The following CCDC148 variants were observed in gnomAD, a reference collection of about 807,000 sequenced individuals.
CCDC148 encodes the protein coiled-coil domain containing 148.
CCDC148 carries 89 observed loss-of-function variants against 85.7 expected under a neutral mutation model. The ratio of observed to expected loss-of-function variants is 1.04; its 90% CI spans 0.87 to 1.24. CCDC148 has a LOEUF of 1.24. Ranked by LOEUF, CCDC148 falls within the 50% of genes most tolerant of loss-of-function variation. CCDC148 has a pLI of 0.00. For missense variants in CCDC148, 692 were observed against 671.7 expected (o/e 1.03, Z -0.33); for synonymous variants, 230 against 213.9 (o/e 1.08, Z -0.66).
At chr2:158,441,517 C>A (rs774804716) in intron 1 of CCDC148, among the ~76,000 whole-genome samples, 5 of 151,704 alleles carry the variant, frequency 3.3e-5, no homozygotes, top group African/African-American at 4.8e-5. Context: ...TCTGACATGA[C>A]CATGCAATAT....
At chr2:158,242,615 T>C (rs1232141963) in intron 10 of CCDC148, among the ~76,000 whole-genome samples, 1 of 147,050 alleles carries the variant, frequency 6.8e-6, no homozygotes, top group African/African-American at 2.5e-5. Context: ...GCCTTCCACA[T>C]CTGCTACCCA....
chr2:158,361,458 A>G (rs1001765310), intron 1 of CCDC148, among the ~76,000 whole-genome samples: 3 of 152,222 alleles, frequency 2.0e-5, no homozygotes, highest in African/African-American at 7.2e-5. Context: ...GAAGCCCATC[A>G]GACTAACAGC....
intron 1 of CCDC148, among the ~76,000 whole-genome samples, chr2:158,360,174 A>C (rs969329163): frequency 6.6e-6 from 1 of 152,230 alleles, no homozygotes; most frequent in Non-Finnish European, 1.5e-5. Context: ...CAGCAGCCTG[A>C]GTCAGGGACT....
At chr2:158,446,694 T>C (rs1233716087) in intron 1 of CCDC148, among the ~76,000 whole-genome samples, 5 of 152,218 alleles carry the variant, frequency 3.3e-5, no homozygotes, top group Non-Finnish European at 5.9e-5. Context: ...AAATGTATTG[T>C]TGTGGAACCA....
At chr2:158,338,204 T>G (rs1349403286) in intron 7 of CCDC148, among the ~76,000 whole-genome samples, 1 of 152,128 alleles carries the variant, frequency 6.6e-6, no homozygotes, top group Non-Finnish European at 1.5e-5. Flanking sequence ...TCGCTGAACA[T>G]TATATTCACC....
At chr2:158,204,173 T>C (rs976355230) in intron 11 of CCDC148, among the ~76,000 whole-genome samples, 3 of 152,166 alleles carry the variant, frequency 2.0e-5, no homozygotes, top group Non-Finnish European at 4.4e-5. Flanking sequence ...TCCACTTCCG[T>C]AGAATTTACT....
At chr2:158,402,567 T>C (rs1040088587) in intron 1 of CCDC148, among the ~76,000 whole-genome samples, 5 of 152,184 alleles carry the variant, frequency 3.3e-5, no homozygotes, top group Non-Finnish European at 5.9e-5. Flanking sequence ...ACCATTACTC[T>C]AGCCTTCAGT....
At chr2:158,372,662 A>G (rs1684496346) in intron 1 of CCDC148, among the ~76,000 whole-genome samples, 1 of 151,840 alleles carries the variant, frequency 6.6e-6, no homozygotes, top group Non-Finnish European at 1.5e-5. Context: ...TCCATATCCT[A>G]TATGTAGAAT....
At chr2:158,381,736 A>C (rs1684876700) in intron 1 of CCDC148, among the ~76,000 whole-genome samples, 1 of 152,144 alleles carries the variant, frequency 6.6e-6, no homozygotes, top group South Asian at 2.1e-4. Flanking sequence ...AAAAAAAATG[A>C]AAAACTAGCC....
At chr2:158,176,701 A>C (rs1241157466) in intron 12 of CCDC148, 40 bp from the exon 13 acceptor site, 1 of 1,606,406 alleles carries the variant, frequency 6.2e-7, no homozygotes. Flanking sequence ...ACAAGGTACA[A>C]ACTAAATATT....
At chr2:158,434,973 T>C (rs1165921154) in intron 1 of CCDC148, among the ~76,000 whole-genome samples, 1 of 152,164 alleles carries the variant, frequency 6.6e-6, no homozygotes, top group Non-Finnish European at 1.5e-5. Context: ...AATATGGGAC[T>C]ATGTGAAAAG....
At chr2:158,291,618 T>C (rs1574560525) in intron 9 of CCDC148, among the ~76,000 whole-genome samples, 2 of 152,192 alleles carry the variant, frequency 1.3e-5, no homozygotes, top group African/African-American at 2.4e-5. Context: ...CGTTAGGCTA[T>C]GTGCTGTCCT....
At chr2:158,198,412 G>C (rs17262454) in intron 11 of CCDC148, among the ~76,000 whole-genome samples, 1 of 152,166 alleles carries the variant, frequency 6.6e-6, no homozygotes. Flanking sequence ...TAGTATCACT[G>C]TGTTCTCAGA....
rs747123165 is a variant in CCDC148, at chr2:158,250,751, T to C, written c.1251+21A>G. ...CATTAAGCATTCATTCACACATTCG[T>C]ATTGACAATAGATTTTTTACTTTTT... On this transcript the variant is annotated intron_variant, in intron 10 of 13. Coordinates refer to ENST00000283233, the MANE Select transcript of CCDC148 (RefSeq NM_138803.4). 3 of 1,526,198 alleles carry C rather than the reference T, an allele frequency of 2.0e-6. No individual in the cohort carries two copies. The Admixed American group carries it at 6.3e-5, about 32-fold the overall frequency. The allele number at this position is 1,526,198 out of a possible 1,614,324, so 94.5% of individuals were successfully genotyped here.
Position 158,456,682 on chromosome 2 carries a change from A to G in CCDC148, c.-243T>C, listed in dbSNP as rs1280406468. Reference sequence around the variant, plus strand: ...TCTCCGCCACCCCCTCCCGCGCCCGAGACCTGAGACACCTTCTCTCTCACA... The same window carrying G: ...TCTCCGCCACCCCCTCCCGCGCCCGGGACCTGAGACACCTTCTCTCTCACA... On this transcript the variant is annotated 5_prime_UTR_variant, in exon 1 of 14. Coordinates refer to ENST00000283233, the MANE Select transcript of CCDC148 (RefSeq NM_138803.4). The G allele has an allele frequency of 1.8e-6, 1 of 569,570 alleles. No homozygotes were observed. The highest frequency in any genetic ancestry group is 3.1e-6 in the Non-Finnish European group (1 of 320,808). 35.3% of individuals were successfully genotyped at this position (569,570 alleles called of 1,614,324 possible). A position where few individuals can be genotyped will look rare whatever the true frequency, so the allele number is the denominator to read the frequency against.
chr2:158,321,117 T>C (rs1478573370), intron 7 of CCDC148, among the ~76,000 whole-genome samples: 1 of 152,190 alleles, frequency 6.6e-6, no homozygotes, highest in Non-Finnish European at 1.5e-5. Context: ...AATGTTTTAT[T>C]CCCACGACAA....
intron 10 of CCDC148, among the ~76,000 whole-genome samples, chr2:158,231,732 G>C (rs1442901191): frequency 1.3e-5 from 2 of 152,084 alleles, no homozygotes; most frequent in Non-Finnish European, 1.5e-5. Context: ...ACATAAGAGG[G>C]TATCATTGAT....
At chr2:158,432,682 C>T (rs1285316586) in intron 1 of CCDC148, among the ~76,000 whole-genome samples, 1 of 151,954 alleles carries the variant, frequency 6.6e-6, no homozygotes, top group Non-Finnish European at 1.5e-5. Context: ...AATATCAATC[C>T]AATACAAACT....
At chr2:158,312,898 T>C (rs941054079) in intron 8 of CCDC148, among the ~76,000 whole-genome samples, 1 of 152,164 alleles carries the variant, frequency 6.6e-6, no homozygotes, top group Non-Finnish European at 1.5e-5. Context: ...AGGATGGGAA[T>C]AGTACTTCTC....
Sources: allele counts gnomAD v4.1 joint callset (sites outside exome capture counted in the v4.1 genomes callset), GRCh38; gene constraint gnomAD v4.1.1; transcripts MANE v1.5; gene names NCBI Gene and HGNC (gene_info 2026-07-23, HGNC 2026-07-21).